The following HCRTR2 variants were observed in gnomAD, a reference collection of about 807,000 sequenced individuals.
HCRTR2 encodes hypocretin receptor 2.
A neutral mutation model predicts 49.0 loss-of-function variants in HCRTR2; 22 were observed. That is an observed-to-expected ratio of 0.45 (90% CI 0.32 to 0.64). The LOEUF (loss-of-function observed/expected upper bound fraction) is 0.64. Among genes scored for constraint, HCRTR2 ranks in the 30% least tolerant of loss-of-function variants. HCRTR2 has a pLI of 0.04. For synonymous variants in HCRTR2, 236 were observed against 205.3 expected, an observed-to-expected ratio of 1.15 and a Z score of -1.28; for missense variants, 491 against 559.4, an observed-to-expected ratio of 0.88 and a Z score of 1.23.
intron 1 of HCRTR2, among the ~76,000 whole-genome samples, chr6:55,116,728 A>AAAAAC (rs1764122889): frequency 6.7e-6 from 1 of 149,788 alleles, no homozygotes; most frequent in Non-Finnish European, 1.5e-5. Flanking sequence ...AAAAAAAAAA[A>AAAAAC]CTCTTATTCC....
intron 1 of HCRTR2, among the ~76,000 whole-genome samples, chr6:55,218,790 G>T (rs1259365499): frequency 6.6e-6 from 1 of 152,146 alleles, no homozygotes; most frequent in African/African-American, 2.4e-5. Flanking sequence ...AAGGGAGAAA[G>T]ACAGCAATAC....
At chr6:55,182,326 G>A (rs1391672793) in intron 1 of HCRTR2, among the ~76,000 whole-genome samples, 1 of 152,194 alleles carries the variant, frequency 6.6e-6, no homozygotes, top group Non-Finnish European at 1.5e-5. Flanking sequence ...GCTCATAGCA[G>A]CAGTGAAACG....
intron 1 of HCRTR2, among the ~76,000 whole-genome samples, chr6:55,147,399 G>A (rs1234164884): frequency 6.6e-6 from 1 of 152,104 alleles, no homozygotes; most frequent in African/African-American, 2.4e-5. Context: ...ACAGACATAT[G>A]CATACACACA....
intron 1 of HCRTR2, among the ~76,000 whole-genome samples, chr6:55,150,255 C>G (rs567548567): frequency 6.6e-6 from 1 of 151,808 alleles, no homozygotes. Flanking sequence ...TTGTCACCAC[C>G]GTCAAATCCA....
chr6:55,158,883 G>A (rs1764766200), intron 1 of HCRTR2, among the ~76,000 whole-genome samples: 1 of 152,176 alleles, frequency 6.6e-6, no homozygotes, highest in Admixed American at 6.5e-5. Flanking sequence ...TGCAGCTTCA[G>A]CAGACTTAAA....
chr6:55,173,724 T>G (rs959553722), upstream of HCRTR2, among the ~76,000 whole-genome samples: 2 of 152,200 alleles, frequency 1.3e-5, no homozygotes, highest in African/African-American at 2.4e-5. Flanking sequence ...TTGGCGTCCT[T>G]CAAGAATTTG....
At chr6:55,152,256 A>G (rs1381762803) in intron 1 of HCRTR2, among the ~76,000 whole-genome samples, 1 of 151,906 alleles carries the variant, frequency 6.6e-6, no homozygotes, top group Non-Finnish European at 1.5e-5. Flanking sequence ...GTGTTTTTTT[A>G]ATAGTAGCCA....
At chr6:55,273,651 A>G (rs1049127143) in intron 4 of HCRTR2, among the ~76,000 whole-genome samples, 2 of 152,052 alleles carry the variant, frequency 1.3e-5, no homozygotes, top group Non-Finnish European at 2.9e-5. Context: ...AAGTTTATTT[A>G]TTGATCTTTT....
At chr6:55,264,258 T>C (rs138391356) in intron 4 of HCRTR2, among the ~76,000 whole-genome samples, 7 of 152,174 alleles carry the variant, frequency 4.6e-5, no homozygotes, top group African/African-American at 1.7e-4. Flanking sequence ...TTGGAACATA[T>C]AGGTTAAATC....
At chr6:55,239,422 T>C (rs1188810052) in intron 1 of HCRTR2, among the ~76,000 whole-genome samples, 2 of 152,204 alleles carry the variant, frequency 1.3e-5, no homozygotes, top group Admixed American at 1.3e-4. Context: ...AGAACTTGTT[T>C]ATGGATTTGA....
chr6:55,150,620 T>C (rs1764652450), intron 1 of HCRTR2, among the ~76,000 whole-genome samples: 1 of 152,062 alleles, frequency 6.6e-6, no homozygotes, highest in Admixed American at 6.6e-5. Flanking sequence ...CTTATTTCCC[T>C]AAGCATAATG....
chr6:55,261,441 G>T (rs1254745115), intron 3 of HCRTR2, among the ~76,000 whole-genome samples: 1 of 151,482 alleles, frequency 6.6e-6, no homozygotes, highest in East Asian at 1.9e-4. Flanking sequence ...GCCTCGCACT[G>T]TCGCCCAGGC....
intron 1 of HCRTR2, among the ~76,000 whole-genome samples, chr6:55,240,977 TTTA>T (rs988737382): frequency 1.2e-4 from 18 of 151,938 alleles, no homozygotes; most frequent in East Asian, 5.8e-4. Context: ...CTTTTTTTAT[TTTA>T]TTATTATTAT....
chr6:55,205,670 G>A (rs1765588152), intron 1 of HCRTR2, among the ~76,000 whole-genome samples: 2 of 152,050 alleles, frequency 1.3e-5, no homozygotes, highest in South Asian at 4.2e-4. Flanking sequence ...AGGAGAAATG[G>A]CAAGTGTTTG....
chr6:55,140,768 T>C (rs553395730), intron 1 of HCRTR2, among the ~76,000 whole-genome samples: 1 of 152,192 alleles, frequency 6.6e-6, no homozygotes, highest in Non-Finnish European at 1.5e-5. Context: ...ACCTTTCAAT[T>C]TTAATTCCAA....
chr6:55,283,399 A>C (rs2127336469), downstream of HCRTR2, among the ~76,000 whole-genome samples: 1 of 152,080 alleles, frequency 6.6e-6, no homozygotes, highest in South Asian at 2.1e-4. Context: ...AGTGGTCTTC[A>C]CCAGAAAGTT....
intron 1 of HCRTR2, among the ~76,000 whole-genome samples, chr6:55,213,877 T>C (rs1765738975): frequency 6.6e-6 from 1 of 151,574 alleles, no homozygotes; most frequent in South Asian, 2.1e-4. Flanking sequence ...TCTCACTTCA[T>C]AGAATGAGTA....
chr6:55,240,337 G>A (rs1385618381), intron 1 of HCRTR2, among the ~76,000 whole-genome samples: 3 of 110,648 alleles, frequency 2.7e-5, no homozygotes, highest in African/African-American at 3.6e-5. Flanking sequence ...CGGCCTGGAC[G>A]AAAGAGCGAG....
intron 4 of HCRTR2, among the ~76,000 whole-genome samples, chr6:55,272,442 T>C (rs1766990462): frequency 6.6e-6 from 1 of 152,156 alleles, no homozygotes; most frequent in South Asian, 2.1e-4. Flanking sequence ...GATGATGTGA[T>C]AGTTGCACAA....
Sources: gnomAD v4.1 joint callset for allele counts (sites outside exome capture counted in the v4.1 genomes callset) on GRCh38, gnomAD v4.1.1 for gene constraint, MANE v1.5 for transcripts, NCBI Gene and HGNC (gene_info 2026-07-23, HGNC 2026-07-21) for gene names.